PTPRN2: variants seen among roughly 807,000 people sequenced by gnomAD.
PTPRN2 encodes protein tyrosine phosphatase receptor type N2.
Under a neutral mutation model 118.8 loss-of-function variants are expected in PTPRN2, and 74 were observed. The ratio of observed to expected loss-of-function variants is 0.62; its 90% confidence interval spans 0.52 to 0.76. The LOEUF (loss-of-function observed/expected upper bound fraction) is 0.76, where lower values mean the gene tolerates loss of function less well. PTPRN2 is among the 30% of genes least tolerant of loss of function. The pLI, the probability that PTPRN2 is intolerant of heterozygous loss-of-function variation, is 0.00. For synonymous variants in PTPRN2, 641 were observed against 608.0 expected, an observed-to-expected ratio of 1.05 and a Z score of -0.80; for missense variants, 1,481 against 1,394.4, an observed-to-expected ratio of 1.06 and a Z score of -0.99.
At chr7:158,334,417 G>A (rs1170088173) in intron 2 of PTPRN2, among the ~76,000 whole-genome samples, 1 of 55,598 alleles carries the variant, frequency 1.8e-5, no homozygotes, top group African/African-American at 8.6e-5. Flanking sequence ...GGTGAAACCT[G>A]CAGACGTCAC....
chr7:158,510,123 G>C (rs1431568841), intron 1 of PTPRN2, among the ~76,000 whole-genome samples: 1 of 152,216 alleles, frequency 6.6e-6, no homozygotes, highest in Admixed American at 6.5e-5. Flanking sequence ...GTACTTTCCA[G>C]ATTTCAAGGC....
intron 1 of PTPRN2, among the ~76,000 whole-genome samples, chr7:158,498,588 G>T (rs769662919): frequency 7.6e-6 from 1 of 131,348 alleles, no homozygotes; most frequent in African/African-American, 2.6e-5. Context: ...TTTTGTCCTC[G>T]ATTTCCTGAA....
rs895489727 is a variant in PTPRN2, at chr7:158,435,436, G to GA, written c.163+54298dup. Reference sequence around the variant, plus strand: ...AAACTTGTTAGGATACCTATTATCAGAAAAAAAAAAGATGAGTATTGGTGA... The same window carrying GA: ...AAACTTGTTAGGATACCTATTATCAGAAAAAAAAAAAGATGAGTATTGGTGA... On this transcript the variant is annotated intron_variant, in intron 2 of 22. Transcript: ENST00000389418. Among the ~76,000 whole-genome samples the GA allele has an allele frequency of 3.6e-3, 529 of 147,344 alleles. 3 individuals are homozygous for GA. Among genetic ancestry groups the GA allele is most frequent in the African/African-American group, 0.012 (482 of 40,250 alleles).
At position 157,622,393 on chromosome 7, in the gene PTPRN2, G is replaced by A. The variant is rs1029353777; in HGVS notation, c.2197-884C>T. Among the ~76,000 whole-genome samples the A allele has an allele frequency of 2.0e-5, 3 of 152,040 alleles. No homozygotes were observed. Among genetic ancestry groups the A allele is most frequent in the African/African-American group, 4.8e-5 (2 of 41,410 alleles). On this transcript the variant is annotated intron_variant, in intron 14 of 22. Transcript: ENST00000389418. This position sits in a 1 kb window ranked among gnomAD's most constrained non-coding sequence, Gnocchi z 5.3. ...AAGCGGCCACGCATTCCAATGTCAG[G>A]CCCGGGGTCCAAGCCCTTCTCACCT...
intron 1 of PTPRN2, among the ~76,000 whole-genome samples, chr7:158,506,277 G>C (rs1822740244): frequency 6.6e-6 from 1 of 152,214 alleles, no homozygotes; most frequent in East Asian, 1.9e-4. Flanking sequence ...GGAGGTGCCA[G>C]ACTCAGGTGG....
chr7:158,025,650 G>C (rs1182878902), intron 11 of PTPRN2, among the ~76,000 whole-genome samples: 4 of 152,202 alleles, frequency 2.6e-5, no homozygotes, highest in African/African-American at 9.6e-5. Context: ...GTATTTCCCT[G>C]CTCAGCTTAT....
At chr7:157,717,286 C>T (rs7804373) in intron 12 of PTPRN2, among the ~76,000 whole-genome samples, 30,656 of 152,210 alleles carry the variant, frequency 0.2, 4,551 homozygotes, top group African/African-American at 0.39. Context: ...AGAGGCATGT[C>T]GGTGACCCAG....
intron 5 of PTPRN2, among the ~76,000 whole-genome samples, chr7:158,172,188 CA>C (rs544005355): frequency 3.9e-4 from 59 of 152,316 alleles, no homozygotes; most frequent in Middle Eastern, 6.8e-3. Flanking sequence ...CCAATCCTGT[CA>C]GTTCTGTGTA....
chr7:157,569,734 G>T (rs2150511470), intron 20 of PTPRN2, among the ~76,000 whole-genome samples: 1 of 152,316 alleles, frequency 6.6e-6, no homozygotes, highest in African/African-American at 2.4e-5. Flanking sequence ...CTGCCCCCGT[G>T]CAGACGCTGT....
chr7:158,070,948 CCG>C (rs1811335908), intron 11 of PTPRN2, among the ~76,000 whole-genome samples: 1 of 82,690 alleles, frequency 1.2e-5, no homozygotes, highest in Non-Finnish European at 2.3e-5. Flanking sequence ...GTGGAGGTGC[CCG>C]TGGTGGTGGA....
In PTPRN2 at chr7:157,690,488, C is replaced by A. The variant is rs1217619808; in HGVS notation, c.1789-7551G>T. Reference sequence around the variant, plus strand: ...TCCGCCCCCATCCCAGCCTCTCTCGCCTCTTCCAGGGCCCACCCAACCGCA... The same window carrying A: ...TCCGCCCCCATCCCAGCCTCTCTCGACTCTTCCAGGGCCCACCCAACCGCA... On this transcript the variant is annotated intron_variant, in intron 12 of 22. Transcript: ENST00000389418. This position sits in a 1 kb window ranked among gnomAD's most constrained non-coding sequence, Gnocchi z 7.1. 1.3e-5 allele frequency among the ~76,000 whole-genome samples: 2 copies of A among 152,126 alleles called. No individual in the cohort carries two copies. The highest frequency in any genetic ancestry group is 2.9e-5 in the Non-Finnish European group (2 of 67,996).
intron 1 of PTPRN2, among the ~76,000 whole-genome samples, chr7:158,503,930 G>C (rs1376696946): frequency 6.6e-6 from 1 of 151,606 alleles, no homozygotes; most frequent in Non-Finnish European, 1.5e-5. Flanking sequence ...GAACCCGGGA[G>C]TCGGAGGTTG....
chr7:158,270,945 C>CG lies in PTPRN2; in HGVS notation c.277+45873_277+45874insC, dbSNP rs1798419614. ...ACCACCCCCCCCACCTGGACCACCC[C>CG]CCCACCTGGACCACCCCTCCACCTG... On this transcript the variant is annotated intron_variant, in intron 3 of 22. Transcript: ENST00000389418. Among the ~76,000 whole-genome samples, 2 of 60,440 alleles carry CG rather than the reference C, an allele frequency of 3.3e-5. 1 individual carries two copies. Among genetic ancestry groups the CG allele is most frequent in the Admixed American group, 2.8e-4 (2 of 7,086 alleles). The allele number at this position is 60,440 out of a possible 152,430, so 39.7% of individuals were successfully genotyped here.
chr7:158,013,431 G>A (rs542422390), intron 11 of PTPRN2, among the ~76,000 whole-genome samples: 1 of 150,674 alleles, frequency 6.6e-6, no homozygotes, highest in African/African-American at 2.4e-5. Context: ...CCTCCAGCCT[G>A]CCTTCCTTCC....
At position 158,081,125 on chromosome 7, in the gene PTPRN2, CT is replaced by C. The variant is rs1337489045; in HGVS notation, c.1723+172del. Reference sequence around the variant, plus strand: ...CAGCCACATTGCCCTGTGACTGCCCCTCGTCCCCTCACTGCACACCAGATTT... The same window carrying C: ...CAGCCACATTGCCCTGTGACTGCCCCCGTCCCCTCACTGCACACCAGATTT... On this transcript the variant is annotated intron_variant, in intron 11 of 22. Coordinates refer to ENST00000389418, the MANE Select transcript of PTPRN2 (RefSeq NM_002847.5). 2.0e-5 allele frequency among the ~76,000 whole-genome samples: 3 copies of C among 152,224 alleles called. No individual in the cohort carries two copies. In the South Asian group the frequency reaches 6.2e-4, roughly 31 times the overall value.
chr7:157,825,286 G>A (rs6945706), intron 12 of PTPRN2, among the ~76,000 whole-genome samples: 1 of 151,862 alleles, frequency 6.6e-6, no homozygotes, highest in African/African-American at 2.4e-5. Context: ...AATGAGACCT[G>A]GATGGTGGGA....
chr7:158,584,199 GCTT>G (rs1467306803), intron 1 of PTPRN2, among the ~76,000 whole-genome samples: 1 of 152,168 alleles, frequency 6.6e-6, no homozygotes, highest in East Asian at 1.9e-4. Context: ...TGAAAGTTGT[GCTT>G]CTTTAGCAAA....
chr7:158,526,067 C>T lies in PTPRN2; in HGVS notation c.113-36282G>A, dbSNP rs906877721. On this transcript the variant is annotated intron_variant, in intron 1 of 22. Coordinates refer to ENST00000389418, the MANE Select transcript of PTPRN2 (RefSeq NM_002847.5). This position sits in a 1 kb window ranked among gnomAD's most constrained non-coding sequence, Gnocchi z 5.2. ...TGTGCAGTCCTTCCTTCCTCAGCAGCGCTGTGTGGGAAGGGGGACTATCTG... is the reference window on the plus strand; with the variant it reads ...TGTGCAGTCCTTCCTTCCTCAGCAGTGCTGTGTGGGAAGGGGGACTATCTG... Among the ~76,000 whole-genome samples, 2 of 152,210 alleles carry T rather than the reference C, an allele frequency of 1.3e-5. No homozygotes were observed. Among genetic ancestry groups the T allele is most frequent in the African/African-American group, 4.8e-5 (2 of 41,452 alleles).
chr7:158,535,468 C>T (rs576513720), intron 1 of PTPRN2, among the ~76,000 whole-genome samples: 2 of 152,232 alleles, frequency 1.3e-5, no homozygotes, highest in East Asian at 1.9e-4. Flanking sequence ...GTGCTGTTTT[C>T]GTTCTCCTGA....
Sources: gnomAD v4.1 joint callset for allele counts (sites outside exome capture counted in the v4.1 genomes callset) on GRCh38, gnomAD v4.1.1 for gene constraint, Gnocchi (gnomAD v3.1) non-coding constraint, MANE v1.5 for transcripts, NCBI Gene and HGNC (gene_info 2026-07-23, HGNC 2026-07-21) for gene names.